The following PHACTR2 variants were observed in gnomAD, a reference collection of about 807,000 sequenced individuals.
PHACTR2 encodes chromosome 6 open reading frame 56.
Under a neutral mutation model 76.0 loss-of-function variants are expected in PHACTR2, and 30 were observed. The ratio of observed to expected loss-of-function variants is 0.39; its 90% CI spans 0.30 to 0.54. The LOEUF (loss-of-function observed/expected upper bound fraction) is 0.54. Ranked by LOEUF, PHACTR2 falls within the 20% of genes least tolerant of loss-of-function variation. The probability of loss-of-function intolerance (pLI) is 0.61; values close to 1 mark genes in which losing one functional copy is unlikely to be tolerated. For missense variants in PHACTR2, 696 were observed against 781.1 expected (o/e 0.89, Z 1.30); for synonymous variants, 292 against 292.5 (o/e 1.00, Z 0.02).
chr6:143,736,319 C>A (rs1778818701), intron 2 of PHACTR2, among the ~76,000 whole-genome samples: 1 of 152,042 alleles, frequency 6.6e-6, no homozygotes, highest in Admixed American at 6.6e-5. Flanking sequence ...TAGGTAATCA[C>A]CCTAAGTTCC....
At chr6:143,796,804 C>T (rs900152609) in intron 11 of PHACTR2, among the ~76,000 whole-genome samples, 7 of 152,180 alleles carry the variant, frequency 4.6e-5, no homozygotes, top group Non-Finnish European at 8.8e-5. Flanking sequence ...TTAATCCAGT[C>T]TATCACTGAT....
intron 1 of PHACTR2, among the ~76,000 whole-genome samples, chr6:143,690,992 A>G (rs981059884): frequency 2.6e-5 from 4 of 152,200 alleles, no homozygotes; most frequent in African/African-American, 7.2e-5. Flanking sequence ...ATATTTCACA[A>G]AAGTGCCCAA....
rs1776096630 is a variant in PHACTR2, at chr6:143,618,538, A to T, written c.13+10216A>T. Among the ~76,000 whole-genome samples, 1 of 151,750 alleles carries T rather than the reference A, an allele frequency of 6.6e-6. No individual in the cohort carries two copies. The highest frequency in any genetic ancestry group is 1.5e-5 in the Non-Finnish European group (1 of 67,958). Reference sequence around the variant, plus strand: ...AGGTGTCAGTGTCAGAGGGTTTTAAACTCCAAATGTTTATACAAGTGAAGC... The same window carrying T: ...AGGTGTCAGTGTCAGAGGGTTTTAATCTCCAAATGTTTATACAAGTGAAGC... On this transcript the variant is annotated intron_variant, in intron 1 of 11. Transcript: ENST00000305766. The surrounding 1 kb of genome is among the most constrained non-coding windows in gnomAD (Gnocchi z 5.2).
At chr6:143,569,272 A>G (rs1203018995) in intron 1 of PHACTR2, among the ~76,000 whole-genome samples, 1 of 152,160 alleles carries the variant, frequency 6.6e-6, no homozygotes, top group Non-Finnish European at 1.5e-5. Context: ...TCACCTCATC[A>G]ACTGAGGAGA....
chr6:143,697,941 G>T lies in PHACTR2; in HGVS notation c.47-14075G>T, dbSNP rs1283917234. Reference sequence around the variant, plus strand: ...TTATTTTTTCTTGCTTCTCAGAGAGGTAGTCTTTTTTTTAACCTACTCACT... The same window carrying T: ...TTATTTTTTCTTGCTTCTCAGAGAGTTAGTCTTTTTTTTAACCTACTCACT... On this transcript the variant is annotated intron_variant, in intron 1 of 12. Coordinates refer to ENST00000440869, the MANE Select transcript of PHACTR2 (RefSeq NM_001100164.2). The surrounding 1 kb of genome is among the most constrained non-coding windows in gnomAD (Gnocchi z 4.4). 6.6e-6 allele frequency among the ~76,000 whole-genome samples: 1 copy of T among 152,058 alleles called. No individual in the cohort carries two copies. Among genetic ancestry groups the T allele is most frequent in the Non-Finnish European group, 1.5e-5 (1 of 68,006 alleles).
intron 11 of PHACTR2, among the ~76,000 whole-genome samples, chr6:143,796,879 A>G (rs1310382804): frequency 1.3e-5 from 2 of 152,170 alleles, no homozygotes; most frequent in African/African-American, 4.8e-5. Context: ...ATACATGTGC[A>G]TGTGTCTTTA....
At chr6:143,677,937 A>G, upstream of PHACTR2, 1 of 924,190 alleles carries the variant, frequency 1.1e-6, no homozygotes, top group Non-Finnish European at 1.3e-6. Context: ...CCCTGACCCC[A>G]GCTAATCTGC....
chr6:143,650,097 C>A (rs1283428109), intron 1 of PHACTR2, among the ~76,000 whole-genome samples: 1 of 151,782 alleles, frequency 6.6e-6, no homozygotes, highest in East Asian at 1.9e-4. Flanking sequence ...ACAATGGCCA[C>A]AAAAAAATAA....
chr6:143,674,383 C>A (rs959981505), upstream of PHACTR2, among the ~76,000 whole-genome samples: 10 of 152,150 alleles, frequency 6.6e-5, no homozygotes, highest in African/African-American at 2.2e-4. The surrounding 1 kb of genome is among the most constrained non-coding windows in gnomAD (Gnocchi z 4.9). Flanking sequence ...ATTAGGAAAA[C>A]TGCTAAGTTT....
chr6:143,646,328 A>G lies in PHACTR2; in HGVS notation c.13+38006A>G, dbSNP rs1357331773. Reference sequence around the variant, plus strand: ...CCACTTTAAAACTCCTAAATAGAACAAGCATTTATCTAACCTTAATATCAT... The same window carrying G: ...CCACTTTAAAACTCCTAAATAGAACGAGCATTTATCTAACCTTAATATCAT... On this transcript the variant is annotated intron_variant, in intron 1 of 11. Transcript: ENST00000305766. The surrounding 1 kb of genome is among the most constrained non-coding windows in gnomAD (Gnocchi z 4.1). Among the ~76,000 whole-genome samples the G allele has an allele frequency of 1.3e-5, 2 of 152,216 alleles. No individual in the cohort carries two copies. Among genetic ancestry groups the G allele is most frequent in the Non-Finnish European group, 2.9e-5 (2 of 68,024 alleles).
intron 1 of PHACTR2, among the ~76,000 whole-genome samples, chr6:143,703,156 TAAAAAAAAAAAAAA>T (rs57738495): frequency 2.2e-5 from 2 of 91,152 alleles, no homozygotes; most frequent in African/African-American, 8.6e-5. Context: ...AAAAAATTAC[TAAAAAAAAAAAAAA>T]AAAAAAAGAA....
chr6:143,753,880 C>T lies in PHACTR2; in HGVS notation c.422C>T (p.Pro141Leu). 6.2e-7 allele frequency: 1 copy of T among 1,609,410 alleles called. No individual in the cohort carries two copies. Among genetic ancestry groups the T allele is most frequent in the Non-Finnish European group, 8.5e-7 (1 of 1,178,684 alleles). Residue 141 changes from proline (P) to leucine (L), a missense_variant, in exon 4 of 13, where the codon CCA becomes CTA. Around this residue, in one of 2 missense-constraint regions of PHACTR2, gnomAD observed 460 missense variants for 450.9 expected, o/e 1.02. Transcript: ENST00000440869. The surrounding 1 kb of genome is among the most constrained non-coding windows in gnomAD (Gnocchi z 4.6). The stretch of plus-strand genomic sequence containing the variant: ...AATGGCTCTGTATCTGAAAAAACAC[C>T]ACCTCTGGAGGAACAGGCAGAAGAT... ...EGNGSVSEKTPPLEEQAEDKK... is the reference protein window; with the variant it reads ...EGNGSVSEKTLPLEEQAEDKK...
rs1468182508 is a variant in PHACTR2 at position 143,789,532 on chromosome 6, A to G, written c.1845+622A>G. 6.6e-6 allele frequency among the ~76,000 whole-genome samples: 1 copy of G among 152,262 alleles called. No homozygotes were observed. Among genetic ancestry groups the G allele is most frequent in the Non-Finnish European group, 1.5e-5 (1 of 68,050 alleles). ...AAAAATGAAATATACAGTGGGTTCT[A>G]TCAATGTAGAAAGACTTTTACCTTA... is the stretch of plus-strand genomic sequence containing the variant. On this transcript the variant is annotated intron_variant, in intron 11 of 12. Coordinates refer to ENST00000440869, the MANE Select transcript of PHACTR2 (RefSeq NM_001100164.2). The surrounding 1 kb of genome is among the most constrained non-coding windows in gnomAD (Gnocchi z 5.1).
At chr6:143,559,596 C>T (rs1039466794) in intron 1 of PHACTR2, among the ~76,000 whole-genome samples, 2 of 151,594 alleles carry the variant, frequency 1.3e-5, no homozygotes, top group African/African-American at 4.9e-5. Flanking sequence ...CTCCTCTTCC[C>T]TCTCTTATTC....
intron 1 of PHACTR2, among the ~76,000 whole-genome samples, chr6:143,614,920 G>A (rs1776037747): frequency 1.3e-5 from 2 of 152,286 alleles, no homozygotes; most frequent in East Asian, 3.9e-4. Context: ...AAAAATAGAT[G>A]ATGTAAGATG....
At chr6:143,569,002 C>T (rs1562239065) in intron 1 of PHACTR2, among the ~76,000 whole-genome samples, 1 of 152,210 alleles carries the variant, frequency 6.6e-6, no homozygotes, top group Non-Finnish European at 1.5e-5. Context: ...GTTGCTTTCT[C>T]GATTCCTATT....
At chr6:143,728,461 G>C (rs1778627702) in intron 2 of PHACTR2, among the ~76,000 whole-genome samples, 1 of 151,674 alleles carries the variant, frequency 6.6e-6, no homozygotes, top group South Asian at 2.1e-4. Flanking sequence ...TGATCCACCA[G>C]CCTCATGAGA....
rs150833978 is a variant in PHACTR2 at position 143,776,553 on chromosome 6, G to C, written c.1590-775G>C. Among the ~76,000 whole-genome samples, 487 of 152,266 alleles carry C rather than the reference G, an allele frequency of 3.2e-3. 1 individual carries two copies. Among genetic ancestry groups the C allele is most frequent in the Middle Eastern group, 0.01 (3 of 294 alleles). ...TAGTCAGGTACCTAGCTAACATCCA[G>C]GCCGATCTGTTGCTAGAAGGAAAGG... is the stretch of plus-strand genomic sequence containing the variant. On this transcript the variant is annotated intron_variant, in intron 8 of 12. Coordinates refer to ENST00000440869, the MANE Select transcript of PHACTR2 (RefSeq NM_001100164.2). This position sits in a 1 kb window ranked among gnomAD's most constrained non-coding sequence, Gnocchi z 5.3.
intron 1 of PHACTR2, among the ~76,000 whole-genome samples, chr6:143,587,739 C>T (rs535608648): frequency 4.6e-5 from 7 of 152,186 alleles, no homozygotes; most frequent in South Asian, 4.1e-4. Flanking sequence ...ATTGGCCGGG[C>T]GCAGTGGCTC....
Sources: allele counts gnomAD v4.1 joint callset (sites outside exome capture counted in the v4.1 genomes callset), GRCh38; gene constraint gnomAD v4.1.1; regional missense constraint gnomAD v4.1.1; non-coding constraint Gnocchi (gnomAD v3.1); transcripts MANE v1.5; gene names NCBI Gene and HGNC (gene_info 2026-07-23, HGNC 2026-07-21).